POLN: variants seen among roughly 807,000 people sequenced by gnomAD.
The protein encoded by POLN is DNA polymerase N.
In POLN, 108 loss-of-function variants were observed where a neutral mutation model predicts 113.5. The ratio of observed to expected loss-of-function variants is 0.95; its 90% CI spans 0.81 to 1.12. The LOEUF (loss-of-function observed/expected upper bound fraction) is 1.12, where lower values mean the gene tolerates loss of function less well. Among genes scored for constraint, POLN ranks in the 50% most tolerant of loss-of-function variants. The probability of loss-of-function intolerance (pLI) is 0.00; values close to 1 mark genes in which losing one functional copy is unlikely to be tolerated. For missense variants in POLN, 1,097 were observed against 1,077.1 expected (o/e 1.02, Z -0.26); for synonymous variants, 386 against 391.5 (o/e 0.99, Z 0.17).
intron 16 of POLN, among the ~76,000 whole-genome samples, chr4:2,154,198 CAAAAAAA>C (rs58879582): frequency 1.7e-4 from 11 of 63,922 alleles, no homozygotes; most frequent in East Asian, 1.2e-3. Flanking sequence ...TCCATCTCAA[CAAAAAAA>C]AAAAAAAAAA....
At chr4:2,088,109 T>C (rs2108694027) in intron 20 of POLN, among the ~76,000 whole-genome samples, 1 of 152,318 alleles carries the variant, frequency 6.6e-6, no homozygotes, top group Non-Finnish European at 1.5e-5. Flanking sequence ...AACTTCTATA[T>C]TTACATGGTC....
chr4:2,174,826 T>A, intron 9 of POLN, 75 bp from the exon 10 acceptor site: 2 of 476,630 alleles, frequency 4.2e-6, no homozygotes, highest in Non-Finnish European at 5.6e-6. Context: ...AAAGCCTACT[T>A]TTTTTTTTTT....
chr4:2,158,658 T>C (rs1340783931), intron 14 of POLN, among the ~76,000 whole-genome samples: 1 of 152,016 alleles, frequency 6.6e-6, no homozygotes, highest in Non-Finnish European at 1.5e-5. Context: ...ATAAACGTGG[T>C]TCACAACCAA....
At chr4:2,236,347 C>T in intron 2 of POLN, 1 of 1,613,048 alleles carries the variant, frequency 6.2e-7, no homozygotes, top group South Asian at 1.1e-5. Context: ...GCCAACTGAT[C>T]TTGTACTAAA....
chr4:2,120,054 G>A (rs1405847961), intron 19 of POLN, among the ~76,000 whole-genome samples: 1 of 152,046 alleles, frequency 6.6e-6, no homozygotes, highest in Non-Finnish European at 1.5e-5. Context: ...GTCAAAAATC[G>A]GTTAAGCATA....
At chr4:2,179,854 C>A (rs2108750989) in intron 7 of POLN, among the ~76,000 whole-genome samples, 1 of 152,306 alleles carries the variant, frequency 6.6e-6, no homozygotes, top group African/African-American at 2.4e-5. Flanking sequence ...TCCTCTCTGC[C>A]AAGTCCTGCC....
intron 21 of POLN, among the ~76,000 whole-genome samples, chr4:2,084,268 G>T (rs1730498735): frequency 6.6e-6 from 1 of 152,196 alleles, no homozygotes; most frequent in South Asian, 2.1e-4. Flanking sequence ...TATGGTCTGG[G>T]TTTACCCAGC....
intron 7 of POLN, among the ~76,000 whole-genome samples, chr4:2,187,073 AAAG>A (rs1461167850): frequency 6.6e-6 from 1 of 152,226 alleles, no homozygotes; most frequent in Non-Finnish European, 1.5e-5. Context: ...AGAGGAGTAA[AAAG>A]AAAAGAGAGA....
intron 13 of POLN, among the ~76,000 whole-genome samples, chr4:2,170,401 G>A (rs987878285): frequency 1.3e-5 from 2 of 152,180 alleles, no homozygotes; most frequent in Non-Finnish European, 2.9e-5. Flanking sequence ...GTTGTGACTG[G>A]ATTGTCAAGA....
At chr4:2,190,992 C>T (rs1733426481) in intron 7 of POLN, among the ~76,000 whole-genome samples, 1 of 152,224 alleles carries the variant, frequency 6.6e-6, no homozygotes, top group African/African-American at 2.4e-5. Context: ...ATAGAACTAC[C>T]ATATGATCCA....
rs951138655 is a variant in POLN, at chr4:2,148,646, G to A, written c.1731+8142C>T. Among the ~76,000 whole-genome samples the A allele has an allele frequency of 4.8e-5, 7 of 145,208 alleles. No homozygotes were observed. In the South Asian group the frequency reaches 1.6e-3, roughly 34 times the overall value. On this transcript the variant is annotated intron_variant, in intron 16 of 25. Coordinates refer to ENST00000511885, the MANE Select transcript of POLN (RefSeq NM_181808.4). ...TGCACCACGGCACTCCAGCCTGGGC[G>A]ACAGAGCGAGACTCTGTCCCCCCCC...
At chr4:2,158,029 G>A (rs1732481251) in intron 14 of POLN, 118 bp from the exon 15 acceptor site, 10 of 588,786 alleles carry the variant, frequency 1.7e-5, no homozygotes, top group Admixed American at 3.0e-5. Flanking sequence ...TCGGCTTGCC[G>A]CAACTTCTGC....
At chr4:2,198,401 T>G in intron 6 of POLN, 123 bp downstream of exon 6, 3 of 754,104 alleles carry the variant, frequency 4.0e-6, no homozygotes, top group Non-Finnish European at 5.9e-6. Flanking sequence ...TCCATTTTAT[T>G]TTCATGTGCC....
intron 24 of POLN, among the ~76,000 whole-genome samples, chr4:2,074,212 C>CA (rs1730221695): frequency 6.6e-6 from 1 of 152,176 alleles, no homozygotes; most frequent in East Asian, 1.9e-4. Flanking sequence ...CTGGAGCGCT[C>CA]CCTGTGGGGC....
chr4:2,105,181 C>A (rs1489939152), intron 19 of POLN, among the ~76,000 whole-genome samples: 5 of 152,218 alleles, frequency 3.3e-5, no homozygotes, highest in Non-Finnish European at 7.3e-5. Context: ...CTGCTGCTGG[C>A]CCCCAATTGC....
chr4:2,082,303 G>A (rs1009199745), intron 21 of POLN, among the ~76,000 whole-genome samples: 43 of 152,132 alleles, frequency 2.8e-4, no homozygotes, highest in African/African-American at 9.4e-4. Flanking sequence ...AGCTGCACCT[G>A]GATCTCACAC....
chr4:2,185,035 G>C (rs1204303540), intron 7 of POLN, among the ~76,000 whole-genome samples: 1 of 151,156 alleles, frequency 6.6e-6, no homozygotes, highest in Non-Finnish European at 1.5e-5. Context: ...ATGATAAAAG[G>C]GGATTTCTCT....
At chr4:2,119,434 T>TGC (rs1003674993) in intron 19 of POLN, among the ~76,000 whole-genome samples, 3 of 151,712 alleles carry the variant, frequency 2.0e-5, no homozygotes, top group Non-Finnish European at 2.9e-5. Context: ...CACGTGTGTG[T>TGC]GTGAAGCTGC....
chr4:2,236,172 T>G, intron 2 of POLN: 1 of 1,060,048 alleles, frequency 9.4e-7, no homozygotes, highest in Admixed American at 2.1e-5. Context: ...CTTTAATATC[T>G]TTTACAACAA....
Sources: allele counts gnomAD v4.1 joint callset (sites outside exome capture counted in the v4.1 genomes callset), GRCh38; gene constraint gnomAD v4.1.1; transcripts MANE v1.5; gene names NCBI Gene and HGNC (gene_info 2026-07-23, HGNC 2026-07-21).